DMD: variants seen among roughly 807,000 people sequenced by gnomAD.
DMD encodes the protein mutant dystrophin.
DMD carries 63 observed loss-of-function variants against 330.1 expected under a neutral mutation model. The ratio of observed to expected loss-of-function variants is 0.19; its 90% CI spans 0.16 to 0.24. The LOEUF (loss-of-function observed/expected upper bound fraction) is 0.24. Among genes scored for constraint, DMD ranks in the 10% least tolerant of loss-of-function variants. The probability of loss-of-function intolerance (pLI) is 1.00; values close to 1 mark genes in which losing one functional copy is unlikely to be tolerated. For missense variants in DMD, 3,344 were observed against 2,684.1 expected (o/e 1.25, Z -5.43); for synonymous variants, 1,223 against 959.8 (o/e 1.27, Z -5.07).
At chrX:33,254,556 A>T (rs1476995496) in intron 1 of DMD, among the ~76,000 whole-genome samples, 1 of 110,289 alleles carries the variant, frequency 9.1e-6, no homozygotes. Context: ...AATAGTGGGG[A>T]GATACAAAAC....
At chrX:31,619,579 G>A (rs16989735) in intron 55 of DMD, among the ~76,000 whole-genome samples, 4,590 of 111,385 alleles carry the variant, frequency 0.041, 182 homozygotes, top group Admixed American at 0.17. Context: ...AAAGCTCTGC[G>A]AGGAATAAAA....
chrX:31,211,327 C>T lies in DMD; in HGVS notation c.9362-1628G>A, dbSNP rs753596237. 1.8e-4 allele frequency among the ~76,000 whole-genome samples: 20 copies of T among 111,702 alleles called. No individual in the cohort carries two copies. The South Asian group carries it at 3.0e-3, about 17-fold the overall frequency. On this transcript the variant is annotated intron_variant, in intron 64 of 78. Coordinates refer to ENST00000357033, the MANE Select transcript of DMD (RefSeq NM_004006.3). ...CTCAGAGGGCACATACTCAAGTGCA[C>T]GTAGTAGGAACACTTAGAAACACGG... is the stretch of plus-strand genomic sequence containing the variant.
At chrX:32,376,209 A>G (rs1035751340) in intron 34 of DMD, among the ~76,000 whole-genome samples, 1 of 111,576 alleles carries the variant, frequency 9.0e-6, no homozygotes, top group African/African-American at 3.3e-5. Flanking sequence ...TGAACCCAGG[A>G]GGTTGCAGTG....
intron 1 of DMD, among the ~76,000 whole-genome samples, chrX:33,337,426 T>C (rs911145731): frequency 9.0e-6 from 1 of 111,688 alleles, no homozygotes; most frequent in African/African-American, 3.2e-5. Context: ...TGTCAGTCTT[T>C]GAGCTTCCCA....
At chrX:32,689,217 A>T (rs1039406417) in intron 9 of DMD, among the ~76,000 whole-genome samples, 3 of 110,775 alleles carry the variant, frequency 2.7e-5, no homozygotes, top group African/African-American at 9.8e-5. Flanking sequence ...TCATTTTTTT[A>T]AAAACCTCTA....
intron 43 of DMD, among the ~76,000 whole-genome samples, chrX:32,243,864 C>G (rs2097218959): frequency 1.8e-5 from 2 of 110,705 alleles, no homozygotes; most frequent in Non-Finnish European, 3.8e-5. Flanking sequence ...TTTTCCTATT[C>G]TTCTCAGGTA....
chrX:31,574,392 C>T (rs1341832142), intron 55 of DMD, among the ~76,000 whole-genome samples: 1 of 110,449 alleles, frequency 9.1e-6, no homozygotes, highest in Non-Finnish European at 1.9e-5. Flanking sequence ...ATCCGCCTGC[C>T]TCGGCCTCCC....
rs775761440 is a variant in DMD, at chrX:31,748,441, C to T, written c.7543-18693G>A. Among the ~76,000 whole-genome samples the T allele has an allele frequency of 2.7e-5, 3 of 111,825 alleles. No individual in the cohort carries two copies. In the South Asian group the frequency reaches 1.1e-3, roughly 41 times the overall value. ...TAACCAGTTTGGCCTTAATAAATAT[C>T]CATGCTGTAATATTTTAATAGTAAT... On this transcript the variant is annotated intron_variant, in intron 51 of 78. Coordinates refer to ENST00000357033, the MANE Select transcript of DMD (RefSeq NM_004006.3).
intron 10 of DMD, 79 bp from the exon 11 acceptor site, chrX:32,644,392 T>A (rs1204904541): frequency 9.5e-7 from 1 of 1,056,333 alleles, no homozygotes; most frequent in Non-Finnish European, 1.3e-6. Context: ...TTGTTTGCAG[T>A]TTTAAACTTG....
chrX:31,141,147 G>A (rs1303344415), intron 76 of DMD, among the ~76,000 whole-genome samples: 2 of 111,078 alleles, frequency 1.8e-5, no homozygotes, highest in African/African-American at 6.6e-5. Flanking sequence ...AGCTGAGATC[G>A]CACCACTGCA....
In DMD at chrX:31,627,838, C is replaced by T. The variant is rs770490376; in HGVS notation, c.8052G>A (p.Leu2684=). The T allele has an allele frequency of 1.7e-5, 21 of 1,209,309 alleles. 1 individual carries two copies. In the South Asian group the frequency reaches 3.4e-4, roughly 19 times the overall value. The change falls in exon 55 of 79, where the codon TTG becomes TTA. Residue 2684 remains leucine (L), a synonymous_variant. Transcript: ENST00000357033. ...GTTGCAGTAATCTATGAGTTTCTTC[C>T]AAAGCAGCCTCTCGCTCACTCACCC... The part of the protein sequence containing the change: ...HKRVSEREAA[L]EETHRLLQQF...
chrX:32,101,089 C>T (rs756573734), intron 44 of DMD, among the ~76,000 whole-genome samples: 2 of 111,795 alleles, frequency 1.8e-5, no homozygotes, highest in East Asian at 5.6e-4. Context: ...GTAAAATGTT[C>T]GTATCAGAGT....
intron 11 of DMD, among the ~76,000 whole-genome samples, chrX:32,623,120 G>T (rs778809631): frequency 3.6e-5 from 4 of 111,662 alleles, no homozygotes; most frequent in African/African-American, 1.3e-4. Context: ...CTTTATTACA[G>T]TACTGATATG....
intron 1 of DMD, among the ~76,000 whole-genome samples, chrX:33,271,624 G>A (rs1176962180): frequency 1.8e-5 from 2 of 108,214 alleles, no homozygotes; most frequent in African/African-American, 6.7e-5. Context: ...AAAATTAGCC[G>A]GGTGTGTGGC....
chrX:32,378,720 T>C (rs749708726), intron 34 of DMD, among the ~76,000 whole-genome samples: 13 of 111,002 alleles, frequency 1.2e-4, no homozygotes, highest in Non-Finnish European at 2.3e-4. Context: ...GCAGTCACAT[T>C]CCAAATACTT....
chrX:31,919,190 C>T (rs1013615082), intron 47 of DMD, among the ~76,000 whole-genome samples: 1 of 111,704 alleles, frequency 9.0e-6, no homozygotes, highest in Non-Finnish European at 1.9e-5. Flanking sequence ...AATAAAGCAA[C>T]CTCTAGGAGA....
At chrX:33,250,348 G>A (rs1475877637) in intron 1 of DMD, among the ~76,000 whole-genome samples, 2 of 108,620 alleles carry the variant, frequency 1.8e-5, no homozygotes, top group African/African-American at 3.4e-5. Context: ...CCTCACATGC[G>A]CAGTTCACAG....
chrX:32,838,200 ACT>A (rs973287824), intron 4 of DMD, among the ~76,000 whole-genome samples: 18 of 110,191 alleles, frequency 1.6e-4, no homozygotes, highest in African/African-American at 5.6e-4. Flanking sequence ...ATAAAATGAC[ACT>A]CTAAGTTTGT....
chrX:32,468,994 T>A (rs894698894), intron 22 of DMD, among the ~76,000 whole-genome samples: 2 of 110,949 alleles, frequency 1.8e-5, no homozygotes, highest in African/African-American at 3.3e-5. Context: ...TTTTGGTGCA[T>A]CTAATTTTAC....
Sources: allele counts gnomAD v4.1 joint callset (sites outside exome capture counted in the v4.1 genomes callset), GRCh38; gene constraint gnomAD v4.1.1; transcripts MANE v1.5; gene names NCBI Gene and HGNC (gene_info 2026-07-23, HGNC 2026-07-21).